The following PGAP1 variants were observed in gnomAD, a reference collection of about 807,000 sequenced individuals.
PGAP1 encodes the protein post-GPI attachment to proteins inositol deacylase 1.
A neutral mutation model predicts 127.0 loss-of-function variants in PGAP1; 76 were observed. The observed-to-expected ratio is 0.60, with a 90% CI of 0.50 to 0.72. The LOEUF is 0.72. Ranked by LOEUF, PGAP1 falls within the 30% of genes least tolerant of loss-of-function variation. The pLI is 0.00. For missense variants in PGAP1, 982 were observed against 1,071.3 expected (o/e 0.92, Z 1.16); for synonymous variants, 362 against 366.5 (o/e 0.99, Z 0.14).
chr2:196,868,414 T>C (rs1701310986), intron 19 of PGAP1, among the ~76,000 whole-genome samples: 1 of 128,700 alleles, frequency 7.8e-6, no homozygotes, highest in South Asian at 2.4e-4. Flanking sequence ...GTATATAAGA[T>C]ACTACTAAAC....
At chr2:196,883,499 G>C (rs1162869516) in intron 12 of PGAP1, among the ~76,000 whole-genome samples, 3 of 152,188 alleles carry the variant, frequency 2.0e-5, no homozygotes, top group African/African-American at 7.2e-5. Flanking sequence ...AGGCAGCTAA[G>C]ACCCACCAGA....
chr2:196,854,142 C>T (rs1700802471), intron 20 of PGAP1, among the ~76,000 whole-genome samples: 1 of 151,900 alleles, frequency 6.6e-6, no homozygotes, highest in Non-Finnish European at 1.5e-5. Context: ...AGTGATCCAC[C>T]CTCCTATGCC....
intron 1 of PGAP1, chr2:196,922,461 C>T (rs1271371569): frequency 1.0e-6 from 1 of 977,454 alleles, no homozygotes. Context: ...ATAGGGGCTC[C>T]ATTAAAAAAA....
At chr2:196,915,539 T>C (rs754163256) in intron 3 of PGAP1, among the ~76,000 whole-genome samples, 2 of 152,212 alleles carry the variant, frequency 1.3e-5, no homozygotes, top group African/African-American at 4.8e-5. Flanking sequence ...ATCTTTCCAG[T>C]TGTTTAGCCA....
intron 1 of PGAP1, among the ~76,000 whole-genome samples, chr2:196,925,521 G>T (rs1437061743): frequency 6.6e-6 from 1 of 152,134 alleles, no homozygotes; most frequent in East Asian, 1.9e-4. Flanking sequence ...AATTCTCTTA[G>T]GACAGTTGTG....
At chr2:196,874,221 T>G (rs1052970029) in intron 14 of PGAP1, among the ~76,000 whole-genome samples, 3 of 151,920 alleles carry the variant, frequency 2.0e-5, no homozygotes, top group Non-Finnish European at 4.4e-5. Context: ...GGAGCCAACA[T>G]AAAAAAGTTC....
chr2:196,859,445 TA>T (rs1331444219), intron 20 of PGAP1, among the ~76,000 whole-genome samples: 1 of 151,906 alleles, frequency 6.6e-6, no homozygotes, highest in Non-Finnish European at 1.5e-5. Flanking sequence ...TTTAAAGAAC[TA>T]ATATCAATAC....
intron 4 of PGAP1, among the ~76,000 whole-genome samples, chr2:196,903,560 C>A (rs1191389760): frequency 2.9e-4 from 23 of 79,288 alleles, no homozygotes; most frequent in Admixed American, 4.2e-4. Context: ...GACTCTGTCT[C>A]AAAAAAAAAA....
chr2:196,894,828 A>C (rs1702221906), intron 7 of PGAP1, among the ~76,000 whole-genome samples: 1 of 152,030 alleles, frequency 6.6e-6, no homozygotes, highest in Non-Finnish European at 1.5e-5. Flanking sequence ...AACAAAAACA[A>C]AAAAACTTTA....
chr2:196,876,776 T>G (rs1004691144), intron 13 of PGAP1, among the ~76,000 whole-genome samples: 1 of 152,080 alleles, frequency 6.6e-6, no homozygotes, highest in African/African-American at 2.4e-5. Flanking sequence ...TGGGTAGATT[T>G]TTGATTGTTT....
Position 196,863,723 on chromosome 2 carries a change from G to A in PGAP1, c.1861+1264C>T, listed in dbSNP as rs150983301. On this transcript the variant is annotated intron_variant, in intron 20 of 26. Coordinates refer to ENST00000354764, the MANE Select transcript of PGAP1 (RefSeq NM_024989.4). ...CTCCTGGACAGCTAGGATTACAGGC[G>A]CCCACCACCAAGCCTGGATAATTTT... 2.7e-3 allele frequency among the ~76,000 whole-genome samples: 409 copies of A among 152,156 alleles called. 1 individual carries two copies. The highest frequency in any genetic ancestry group is 5.2e-3 in the South Asian group (25 of 4,826).
intron 3 of PGAP1, among the ~76,000 whole-genome samples, chr2:196,913,426 A>G (rs1477157312): frequency 6.6e-6 from 1 of 152,222 alleles, no homozygotes; most frequent in Non-Finnish European, 1.5e-5. Context: ...GAAACTGAAA[A>G]TATCACCCAA....
intron 20 of PGAP1, among the ~76,000 whole-genome samples, chr2:196,859,427 A>G (rs940424578): frequency 2.0e-5 from 3 of 152,204 alleles, no homozygotes; most frequent in Non-Finnish European, 4.4e-5. Flanking sequence ...GCTGAAATCT[A>G]TCAAACATTT....
chr2:196,854,427 T>G (rs1363117208), intron 20 of PGAP1, among the ~76,000 whole-genome samples: 1 of 152,174 alleles, frequency 6.6e-6, no homozygotes, highest in Non-Finnish European at 1.5e-5. Context: ...TTCATAGAAA[T>G]CAAATATGTT....
chr2:196,879,525 T>C (rs1701666166), intron 13 of PGAP1, among the ~76,000 whole-genome samples: 1 of 152,088 alleles, frequency 6.6e-6, no homozygotes, highest in Non-Finnish European at 1.5e-5. Flanking sequence ...CAAAATCCCA[T>C]CTCTACTAAA....
At chr2:196,912,284 G>T (rs1397888895) in intron 4 of PGAP1, among the ~76,000 whole-genome samples, 1 of 152,110 alleles carries the variant, frequency 6.6e-6, no homozygotes, top group Non-Finnish European at 1.5e-5. Context: ...TCCTAAAACA[G>T]TTAACAAAGC....
chr2:196,919,885 T>A, intron 2 of PGAP1, 112 bp downstream of exon 2: 2 of 1,104,650 alleles, frequency 1.8e-6, no homozygotes, highest in Non-Finnish European at 2.6e-6. Flanking sequence ...GCACAGCACT[T>A]CACACACAGC....
In PGAP1 at chr2:196,893,258, T is replaced by C. The variant is rs1470915819; in HGVS notation, c.928-13A>G. ...AATTTTGAGTTATCTAGAAAGAACA[T>C]TGATACATTCTGTATCATTTTGTAT... On this transcript the variant is annotated splice_polypyrimidine_tract_variant and intron_variant, in intron 7 of 26. Coordinates refer to ENST00000354764, the MANE Select transcript of PGAP1 (RefSeq NM_024989.4). 10 of 1,355,054 alleles carry C rather than the reference T, an allele frequency of 7.4e-6. No homozygotes were observed. The highest frequency in any genetic ancestry group is 2.4e-5 in the South Asian group (2 of 83,956). 83.9% of individuals were successfully genotyped at this position (1,355,054 alleles called of 1,614,324 possible). A position where few individuals can be genotyped will look rare whatever the true frequency, so the allele number is the denominator to read the frequency against.
intron 13 of PGAP1, among the ~76,000 whole-genome samples, chr2:196,879,049 A>C (rs1701646477): frequency 6.6e-6 from 1 of 152,088 alleles, no homozygotes; most frequent in African/African-American, 2.4e-5. Flanking sequence ...ACTACCCATT[A>C]AGGCCATTTT....
Sources: gnomAD v4.1 joint callset for allele counts (sites outside exome capture counted in the v4.1 genomes callset) on GRCh38, gnomAD v4.1.1 for gene constraint, MANE v1.5 for transcripts, NCBI Gene and HGNC (gene_info 2026-07-23, HGNC 2026-07-21) for gene names.